Variants in ABLIM1 observed in about 807,000 individuals in gnomAD.
ABLIM1 encodes actin binding LIM protein 1, also known as actin-binding LIM protein 1.
Under a neutral mutation model 107.0 loss-of-function variants are expected in ABLIM1, and 40 were observed. The ratio of observed to expected loss-of-function variants is 0.37; its 90% confidence interval spans 0.29 to 0.49. The LOEUF is 0.49. Among genes scored for constraint, ABLIM1 ranks in the 20% least tolerant of loss-of-function variants. The probability of loss-of-function intolerance (pLI) is 0.97; values close to 1 mark genes in which losing one functional copy is unlikely to be tolerated. For synonymous variants in ABLIM1, 357 were observed against 357.3 expected (o/e 1.00, Z 0.01); for missense variants, 857 against 1,008.5 (o/e 0.85, Z 2.04).
At position 114,646,338 on chromosome 10, in the gene ABLIM1, T is replaced by C. The variant is rs1490303575; in HGVS notation, c.244+11619A>G. ...GAGCATTCAGCCATAGCATCCACAA[T>C]TGAGAACTAGGTGGGCAAAAATCAA... On this transcript the variant is annotated intron_variant, in intron 1 of 22. Coordinates refer to ENST00000533213, the MANE Select transcript of ABLIM1 (RefSeq NM_002313.7). 2.6e-5 allele frequency among the ~76,000 whole-genome samples: 4 copies of C among 152,164 alleles called. No homozygotes were observed. The East Asian group carries it at 7.7e-4, about 29-fold the overall frequency.
At chr10:114,787,184 G>C in the ABLIM1 span, among the ~76,000 whole-genome samples, 6 of 150,214 alleles carry the variant, frequency 4.0e-5, no homozygotes, top group African/African-American at 1.5e-4. Flanking sequence ...CTGCCCGGCC[G>C]CCCCGTCTGA....
rs17092349 is a variant in ABLIM1, at chr10:114,715,610, G to A, written c.-213+52451C>T. On this transcript the variant is annotated intron_variant, in intron 1 of 15. Coordinates refer to the ABLIM1 transcript ENST00000651092. ...GGCTGCTCACACACAAAGTCAGGTC[G>A]CCAAGGAAAAGAAGGTGCAGAGGGA... Among the ~76,000 whole-genome samples, 114 of 152,190 alleles carry A rather than the reference G, an allele frequency of 7.5e-4. 1 individual carries two copies. In the East Asian group the frequency reaches 0.019, roughly 25 times the overall value.
intron 6 of ABLIM1, among the ~76,000 whole-genome samples, chr10:114,510,493 G>A (rs2061696219): frequency 6.6e-6 from 1 of 151,956 alleles, no homozygotes; most frequent in Admixed American, 6.5e-5. Context: ...TGGGAACAAG[G>A]ACATTGTCTC....
At chr10:114,745,939 A>C (rs1018440251) in intron 1 of ABLIM1, among the ~76,000 whole-genome samples, 2 of 152,244 alleles carry the variant, frequency 1.3e-5, no homozygotes, top group Non-Finnish European at 2.9e-5. Flanking sequence ...GCTCCAAAAC[A>C]GCAGAGGAGT....
At position 114,766,794 on chromosome 10, in the gene ABLIM1, T is replaced by C. The variant is rs148003557; in HGVS notation, c.-213+1267A>G. 1.0e-3 allele frequency among the ~76,000 whole-genome samples: 159 copies of C among 152,362 alleles called. No homozygotes were observed. In the East Asian group the frequency reaches 0.027, roughly 26 times the overall value. The stretch of plus-strand genomic sequence containing the variant: ...TAAGAACATAGTTCAGAGATTGTTA[T>C]GACTCCATCCATATACACACCAAGT... On this transcript the variant is annotated intron_variant, in intron 1 of 15. Coordinates refer to the ABLIM1 transcript ENST00000651092.
intron 6 of ABLIM1, among the ~76,000 whole-genome samples, chr10:114,497,180 CTA>C (rs1171086777): frequency 2.0e-5 from 3 of 152,334 alleles, no homozygotes; most frequent in South Asian, 2.1e-4. Flanking sequence ...ATGCTGTTGA[CTA>C]TAAACTTTTA....
intron 1 of ABLIM1, among the ~76,000 whole-genome samples, chr10:114,607,347 A>G (rs2076489809): frequency 1.3e-5 from 2 of 152,226 alleles, no homozygotes; most frequent in South Asian, 2.1e-4. Context: ...GGCGTGAGCC[A>G]CCGCGCCCGG....
chr10:114,644,306 A>AATATATATATATATATATAT (rs1244613103), intron 1 of ABLIM1, among the ~76,000 whole-genome samples: 3 of 52,248 alleles, frequency 5.7e-5, no homozygotes, highest in African/African-American at 1.8e-4. Flanking sequence ...AAAAAAAAAA[A>AATATATATATATATATATAT]ATATATATAT....
chr10:114,498,146 G>C (rs17717312), intron 6 of ABLIM1, among the ~76,000 whole-genome samples: 1 of 151,924 alleles, frequency 6.6e-6, no homozygotes, highest in Non-Finnish European at 1.5e-5. Context: ...CCATCCATAG[G>C]GCCTCAAATA....
intron 1 of ABLIM1, among the ~76,000 whole-genome samples, chr10:114,627,977 C>T (rs2077925689): frequency 6.6e-6 from 1 of 152,116 alleles, no homozygotes; most frequent in Non-Finnish European, 1.5e-5. Context: ...ACAAAATTAG[C>T]CGGGCGTGGT....
intron 1 of ABLIM1, among the ~76,000 whole-genome samples, chr10:114,727,693 C>A (rs571762598): frequency 6.6e-6 from 1 of 152,302 alleles, no homozygotes; most frequent in East Asian, 1.9e-4. Flanking sequence ...TGATGGCCCA[C>A]GCCTGTAATC....
At chr10:114,768,815 G>T (rs1011553334), upstream of ABLIM1, among the ~76,000 whole-genome samples, 1 of 152,104 alleles carries the variant, frequency 6.6e-6, no homozygotes, top group East Asian at 1.9e-4. Flanking sequence ...AAGAGTCGGG[G>T]CTGGGCCGGG....
At chr10:114,457,250 C>A (rs1169171521) in intron 12 of ABLIM1, among the ~76,000 whole-genome samples, 2 of 152,050 alleles carry the variant, frequency 1.3e-5, no homozygotes, top group Non-Finnish European at 2.9e-5. Flanking sequence ...CTAAATTAAA[C>A]ACCTTATCTG....
At chr10:114,513,844 T>C (rs2062331191) in intron 6 of ABLIM1, among the ~76,000 whole-genome samples, 1 of 152,194 alleles carries the variant, frequency 6.6e-6, no homozygotes, top group African/African-American at 2.4e-5. Context: ...TTAGTGCCCC[T>C]GCAAATTCTT....
chr10:114,504,762 G>A (rs1039272665), intron 6 of ABLIM1, among the ~76,000 whole-genome samples: 4 of 152,094 alleles, frequency 2.6e-5, no homozygotes, highest in African/African-American at 7.2e-5. Flanking sequence ...GGATATACCT[G>A]GACTTAGCTG....
intron 3 of ABLIM1, 50 bp downstream of exon 3, chr10:114,575,366 A>C: frequency 6.3e-7 from 1 of 1,590,722 alleles, no homozygotes; most frequent in Non-Finnish European, 8.6e-7. Flanking sequence ...CCAAACCAGC[A>C]TTTCTCTGTT....
the ABLIM1 span, among the ~76,000 whole-genome samples, chr10:114,800,095 T>TA: frequency 1.4e-4 from 22 of 152,062 alleles, no homozygotes; most frequent in South Asian, 1.2e-3. Flanking sequence ...GTTTTTAATG[T>TA]AAAAAAAATT....
At position 114,436,046 on chromosome 10, in the gene ABLIM1, G is replaced by A; in HGVS notation, c.*214C>T. ...CATGTGGACACTACTCTGTGTTTCG[G>A]AACATAGAAATTTCTACGCCATGCT... On this transcript the variant is annotated 3_prime_UTR_variant, in exon 23 of 23. Coordinates refer to ENST00000533213, the MANE Select transcript of ABLIM1 (RefSeq NM_002313.7). The A allele has an allele frequency of 1.8e-6, 1 of 555,902 alleles. No homozygotes were observed. The highest frequency in any genetic ancestry group is 3.2e-6 in the Non-Finnish European group (1 of 310,678). The allele number at this position is 555,902 out of a possible 1,614,324, so 34.4% of individuals were successfully genotyped here. A position where few individuals can be genotyped will look rare whatever the true frequency, so the allele number is the denominator to read the frequency against.
chr10:114,670,368 C>G (rs1012158880), intron 1 of ABLIM1, among the ~76,000 whole-genome samples: 1 of 152,154 alleles, frequency 6.6e-6, no homozygotes, highest in African/African-American at 2.4e-5. Flanking sequence ...TCTCCCATTT[C>G]AATTTTTCTG....
Sources: allele counts gnomAD v4.1 joint callset (sites outside exome capture counted in the v4.1 genomes callset), GRCh38; gene constraint gnomAD v4.1.1; transcripts MANE v1.5; gene names NCBI Gene and HGNC (gene_info 2026-07-23, HGNC 2026-07-21).